Variants in C8B observed in about 807,000 individuals in gnomAD.
C8B encodes complement component C8 beta chain.
In C8B, 67 loss-of-function variants were observed where a neutral mutation model predicts 64.6. The ratio of observed to expected loss-of-function variants is 1.04; its 90% CI spans 0.85 to 1.27. The LOEUF is 1.27. C8B is among the 50% of genes most tolerant of loss of function. The pLI is 0.00. For synonymous variants in C8B, 284 were observed against 257.7 expected (o/e 1.10, Z -0.98); for missense variants, 790 against 725.2 (o/e 1.09, Z -1.03).
chr1:56,933,277 C>A, intron 10 of C8B, 58 bp downstream of exon 10: 1 of 1,455,808 alleles, frequency 6.9e-7, no homozygotes, highest in South Asian at 1.1e-5. Context: ...ATGGCTGGCC[C>A]CCGGCCTGCT....
intron 1 of C8B, among the ~76,000 whole-genome samples, chr1:56,965,398 A>AGAGAGTGTGTGT (rs1553120321): frequency 3.8e-4 from 54 of 142,674 alleles, no homozygotes; most frequent in African/African-American, 1.0e-3. Context: ...AGAGAGAGAG[A>AGAGAGTGTGTGT]GTGTGTGTGT....
chr1:56,943,152 G>A (rs1008952281), intron 8 of C8B, among the ~76,000 whole-genome samples: 2 of 152,028 alleles, frequency 1.3e-5, no homozygotes, highest in Admixed American at 6.6e-5. Context: ...CTGCCAACAG[G>A]AGTATAAATT....
intron 2 of C8B, among the ~76,000 whole-genome samples, chr1:56,958,689 G>T (rs565968077): frequency 9.8e-5 from 15 of 152,314 alleles, no homozygotes; most frequent in African/African-American, 3.4e-4. Context: ...AGCTCTGGCT[G>T]CCAGGCTGAC....
At chr1:56,940,415 AT>A (rs1339376372) in intron 9 of C8B, among the ~76,000 whole-genome samples, 1 of 150,966 alleles carries the variant, frequency 6.6e-6, no homozygotes, top group African/African-American at 2.4e-5. Context: ...AAAAAAAAAA[AT>A]TTAATTAGCC....
rs751857773 is a variant in C8B, at chr1:56,952,097, A to G, written c.617T>C (p.Leu206Pro). 14 of 1,614,054 alleles carry G rather than the reference A, an allele frequency of 8.7e-6. No individual in the cohort carries two copies. The highest frequency in any genetic ancestry group is 2.7e-5 in the African/African-American group (2 of 74,914). Reference sequence around the variant, plus strand: ...GTAGGGCTTCCTAAACCTCGTGTTCAGGATGTAATGCGGGGAGCATCCACC... The same window carrying G: ...GTAGGGCTTCCTAAACCTCGTGTTCGGGATGTAATGCGGGGAGCATCCACC... ...YAGGCSPHYI[L>P]NTRFRKPYNV... Residue 206 changes from leucine (L) to proline (P), a missense_variant, in exon 5 of 12, where the codon CTG becomes CCG. Physicochemically the swap from Leu to Pro is moderately conservative, Grantham distance 98. Transcript: ENST00000371237.
chr1:56,941,142 C>A (rs527835121), intron 8 of C8B, 130 bp from the exon 9 acceptor site: 2 of 1,028,336 alleles, frequency 1.9e-6, no homozygotes, highest in African/African-American at 1.6e-5. Context: ...GTGGACCAGA[C>A]ACTTCCTTGT....
intron 11 of C8B, 128 bp downstream of exon 11, chr1:56,931,682 G>T: frequency 1.5e-6 from 1 of 677,306 alleles, no homozygotes; most frequent in Non-Finnish European, 2.7e-6. Context: ...TTCAATCCAA[G>T]CTGAGTTTAA....
rs761436704 is a variant in C8B, at chr1:56,931,844, G to A, written c.1587C>T (p.Ser529=). The stretch of plus-strand genomic sequence containing the variant: ...AGGAGACCTCACAGGCTAGGCCTTG[G>A]GATCCAACAGGACAGATGCAGTCAC... The part of the protein sequence containing the change: ...SRCDCICPVG[S]QGLACEVSYR... The change falls in exon 11 of 12, where the codon TCC becomes TCT. Residue 529 remains serine, a synonymous_variant. Coordinates refer to ENST00000371237, the MANE Select transcript of C8B (RefSeq NM_000066.4). 6.2e-7 allele frequency: 1 copy of A among 1,612,242 alleles called. No individual in the cohort carries two copies. The highest frequency in any genetic ancestry group is 2.2e-5 in the East Asian group (1 of 44,832).
At chr1:56,959,579 T>C (rs1244438755) in intron 2 of C8B, 4 of 1,535,308 alleles carry the variant, frequency 2.6e-6, no homozygotes, top group South Asian at 2.4e-5. Context: ...GCCAGAGTCA[T>C]ACAAGTGTCC....
At chr1:56,965,387 G>C (rs568683136) in intron 1 of C8B, among the ~76,000 whole-genome samples, 5 of 108,700 alleles carry the variant, frequency 4.6e-5, no homozygotes, top group Non-Finnish European at 7.7e-5. Context: ...GTGAGAGAGA[G>C]AGAGAGAGAG....
intron 8 of C8B, among the ~76,000 whole-genome samples, chr1:56,942,577 T>G (rs982733893): frequency 3.9e-5 from 6 of 152,054 alleles, no homozygotes. Context: ...TGGTGGCACA[T>G]GCCTGTAGTC....
rs535181056 is a variant in C8B at position 56,952,599 on chromosome 1, G to A, written c.534-419C>T. 6.8e-4 allele frequency among the ~76,000 whole-genome samples: 103 copies of A among 152,304 alleles called. 1 individual carries two copies. The South Asian group carries it at 0.012, about 18-fold the overall frequency. On this transcript the variant is annotated intron_variant, in intron 4 of 11. Transcript: ENST00000371237. ...CCTCATAACACCCTGTGCTCGCACC[G>A]TTGTGCATTTATTGTCCTGTATTAC...
rs117697682 is a variant in C8B, at chr1:56,933,029, G to A, written c.1552+306C>T. 4.0e-4 allele frequency among the ~76,000 whole-genome samples: 61 copies of A among 152,230 alleles called. 1 individual carries two copies. In the East Asian group the frequency reaches 9.1e-3, roughly 23 times the overall value. On this transcript the variant is annotated intron_variant, in intron 10 of 11. Coordinates refer to ENST00000371237, the MANE Select transcript of C8B (RefSeq NM_000066.4). ...CCCCAAATCTTCTTATTATGTATTA[G>A]TCAGGACATGCACAAAGGGCTTCTC...
chr1:56,943,854 C>T (rs192119292), intron 7 of C8B, 30 bp from the exon 8 acceptor site: 60 of 1,612,628 alleles, frequency 3.7e-5, no homozygotes, highest in Admixed American at 1.7e-4. Context: ...AGGTCCATGA[C>T]GTAAAAGGTA....
chr1:56,941,623 T>G (rs898288056), intron 8 of C8B, among the ~76,000 whole-genome samples: 1 of 152,344 alleles, frequency 6.6e-6, no homozygotes, highest in Admixed American at 6.5e-5. Context: ...TGATATTTTC[T>G]TTTACCAGAT....
At chr1:56,938,012 A>T (rs1008816016) in intron 9 of C8B, among the ~76,000 whole-genome samples, 7 of 152,292 alleles carry the variant, frequency 4.6e-5, no homozygotes, top group Non-Finnish European at 1.0e-4. Flanking sequence ...TTTCACCAGG[A>T]TGTGTTTCAG....
chr1:56,931,370 A>G (rs1454360570), intron 11 of C8B, among the ~76,000 whole-genome samples: 1 of 152,174 alleles, frequency 6.6e-6, no homozygotes, highest in Non-Finnish European at 1.5e-5. Context: ...CCCAAAATAC[A>G]ATGCACAAAG....
chr1:56,963,070 G>A (rs767790258), intron 1 of C8B, among the ~76,000 whole-genome samples: 7 of 152,040 alleles, frequency 4.6e-5, no homozygotes, highest in South Asian at 4.1e-4. Flanking sequence ...TACAGTAAAC[G>A]CCCTTGCTCA....
At chr1:56,957,493 T>C (rs1197998686) in intron 2 of C8B, among the ~76,000 whole-genome samples, 1 of 152,236 alleles carries the variant, frequency 6.6e-6, no homozygotes, top group African/African-American at 2.4e-5. Context: ...GGATCACGAA[T>C]TATCTAAATG....
Sources: gnomAD v4.1 joint callset for allele counts (sites outside exome capture counted in the v4.1 genomes callset) on GRCh38, gnomAD v4.1.1 for gene constraint, MANE v1.5 for transcripts, NCBI Gene and HGNC (gene_info 2026-07-23, HGNC 2026-07-21) for gene names.